Variants in RASA1 observed in about 807,000 individuals in gnomAD.
RASA1 encodes the protein RAS p21 protein activator 1, also known as ras GTPase-activating protein 1.
Under a neutral mutation model 132.2 loss-of-function variants are expected in RASA1, and 25 were observed. That is an observed-to-expected ratio of 0.19 (90% CI 0.14 to 0.26). The LOEUF (loss-of-function observed/expected upper bound fraction) is 0.26, where lower values mean the gene tolerates loss of function less well. RASA1 is among the 10% of genes least tolerant of loss of function. The pLI, the probability that RASA1 is intolerant of heterozygous loss-of-function variation, is 1.00. For synonymous variants in RASA1, 477 were observed against 449.9 expected, an observed-to-expected ratio of 1.06 and a Z score of -0.76; for missense variants, 964 against 1,299.2, an observed-to-expected ratio of 0.74 and a Z score of 3.97.
At position 87,268,414 on chromosome 5, in the gene RASA1, G is replaced by T; in HGVS notation, c.-38G>T. On this transcript the variant is annotated 5_prime_UTR_variant, in exon 1 of 25. Transcript: ENST00000274376. Reference sequence around the variant, plus strand: ...GGGCCTGGTGGCCCCTGGGGCTCCCGGGCGGGCAGGGTAGGGCAGAGTAGA... The same window carrying T: ...GGGCCTGGTGGCCCCTGGGGCTCCCTGGCGGGCAGGGTAGGGCAGAGTAGA... 3 of 1,491,692 alleles carry T rather than the reference G, an allele frequency of 2.0e-6. No homozygotes were observed. The highest frequency in any genetic ancestry group is 2.7e-6 in the Non-Finnish European group (3 of 1,117,140). The allele number at this position is 1,491,692 out of a possible 1,614,324, so 92.4% of individuals were successfully genotyped here.
At chr5:87,369,978 T>C in intron 12 of RASA1, 78 bp downstream of exon 12, 1 of 1,214,016 alleles carries the variant, frequency 8.2e-7, no homozygotes, top group South Asian at 1.3e-5. Context: ...TAGAAAATGA[T>C]CGCATTCAAG....
intron 4 of RASA1, among the ~76,000 whole-genome samples, chr5:87,335,410 A>C (rs976705760): frequency 3.3e-5 from 5 of 150,582 alleles, no homozygotes; most frequent in African/African-American, 1.2e-4. Flanking sequence ...GAAGATAATA[A>C]AGAATGAGGT....
intron 11 of RASA1, among the ~76,000 whole-genome samples, chr5:87,364,538 C>T (rs1760360327): frequency 6.6e-6 from 1 of 151,924 alleles, no homozygotes; most frequent in African/African-American, 2.4e-5. Context: ...TCACTGATAC[C>T]TCATAAAGAG....
chr5:87,376,624 A>C, intron 16 of RASA1, 59 bp downstream of exon 16: 3 of 1,556,452 alleles, frequency 1.9e-6, no homozygotes, highest in Non-Finnish European at 2.7e-6. Flanking sequence ...TTTAACATTT[A>C]ATAAAAGATC....
intron 1 of RASA1, among the ~76,000 whole-genome samples, chr5:87,288,412 A>G (rs577097660): frequency 6.6e-6 from 1 of 152,250 alleles, no homozygotes; most frequent in East Asian, 1.9e-4. Context: ...TTGTTTTCTC[A>G]GAGAATTAAA....
chr5:87,272,775 T>G (rs934873801), intron 1 of RASA1, among the ~76,000 whole-genome samples: 2 of 152,300 alleles, frequency 1.3e-5, no homozygotes, highest in Admixed American at 1.3e-4. Flanking sequence ...GAATTTTATT[T>G]TAACTTTATA....
At chr5:87,303,328 T>C (rs1755462745) in intron 1 of RASA1, among the ~76,000 whole-genome samples, 1 of 152,164 alleles carries the variant, frequency 6.6e-6, no homozygotes, top group African/African-American at 2.4e-5. Flanking sequence ...GTACCTTTGC[T>C]TTTGATTTCA....
chr5:87,333,245 T>C (rs1187507781), intron 3 of RASA1, 22 bp from the exon 4 acceptor site: 4 of 754,088 alleles, frequency 5.3e-6, no homozygotes, highest in Middle Eastern at 3.5e-4. Context: ...TTTTTAAATC[T>C]TTTTTTTTTT....
chr5:87,301,228 CATATA>C (rs952602430), intron 1 of RASA1, among the ~76,000 whole-genome samples: 2 of 152,126 alleles, frequency 1.3e-5, no homozygotes, highest in Admixed American at 6.5e-5. Context: ...TGTATAATTA[CATATA>C]ATATATATGC....
intron 4 of RASA1, among the ~76,000 whole-genome samples, chr5:87,337,660 AATAT>A (rs1343293213): frequency 6.6e-6 from 1 of 152,114 alleles, no homozygotes; most frequent in Non-Finnish European, 1.5e-5. Flanking sequence ...CAAAACCTTC[AATAT>A]ATGTACAATC....
chr5:87,334,184 A>C (rs115338759), intron 4 of RASA1, among the ~76,000 whole-genome samples: 1 of 152,174 alleles, frequency 6.6e-6, no homozygotes, highest in Non-Finnish European at 1.5e-5. Flanking sequence ...TGAAAACCCA[A>C]GAAAGCCAGT....
chr5:87,349,461 A>G, intron 8 of RASA1, 97 bp downstream of exon 8: 2 of 1,384,680 alleles, frequency 1.4e-6, no homozygotes, highest in Non-Finnish European at 2.0e-6. Context: ...AAAAGTTTCT[A>G]ACTTCTAAAA....
At chr5:87,281,233 C>T (rs1754304123) in intron 1 of RASA1, among the ~76,000 whole-genome samples, 1 of 151,144 alleles carries the variant, frequency 6.6e-6, no homozygotes, top group Non-Finnish European at 1.5e-5. Context: ...TCTCTGCATC[C>T]TTGCCAACAC....
intron 1 of RASA1, among the ~76,000 whole-genome samples, chr5:87,311,625 G>A (rs1372493591): frequency 1.3e-5 from 2 of 152,134 alleles, no homozygotes; most frequent in Admixed American, 1.3e-4. Flanking sequence ...CTTAACTGCC[G>A]CTCACAGCAG....
chr5:87,312,050 C>G (rs549447196), intron 1 of RASA1, among the ~76,000 whole-genome samples: 3 of 152,162 alleles, frequency 2.0e-5, no homozygotes, highest in Non-Finnish European at 4.4e-5. Context: ...GTGTTAATAT[C>G]TGGAAGATCT....
intron 4 of RASA1, among the ~76,000 whole-genome samples, chr5:87,337,051 A>T (rs911069552): frequency 6.6e-6 from 1 of 152,056 alleles, no homozygotes; most frequent in Admixed American, 6.5e-5. Flanking sequence ...TTGATTTGTG[A>T]ATATTAAGAT....
chr5:87,384,787 A>G (rs1043455798), intron 21 of RASA1, among the ~76,000 whole-genome samples: 8 of 152,100 alleles, frequency 5.3e-5, no homozygotes, highest in Admixed American at 4.6e-4. Flanking sequence ...AAATATTTTA[A>G]AAGTTTATTA....
chr5:87,279,844 CA>C (rs1157205586), intron 1 of RASA1, among the ~76,000 whole-genome samples: 1 of 152,120 alleles, frequency 6.6e-6, no homozygotes, highest in Non-Finnish European at 1.5e-5. Context: ...ATTACAAAGT[CA>C]AAATCCCACA....
At chr5:87,317,474 T>C (rs1279917232) in intron 1 of RASA1, among the ~76,000 whole-genome samples, 1 of 152,212 alleles carries the variant, frequency 6.6e-6, no homozygotes, top group African/African-American at 2.4e-5. Context: ...AGATATTTCA[T>C]CTTAAAATAA....
Sources: allele counts gnomAD v4.1 joint callset (sites outside exome capture counted in the v4.1 genomes callset), GRCh38; gene constraint gnomAD v4.1.1; transcripts MANE v1.5; gene names NCBI Gene and HGNC (gene_info 2026-07-23, HGNC 2026-07-21).